PTPN3: variants seen among roughly 807,000 people sequenced by gnomAD.
PTPN3 encodes tyrosine-protein phosphatase non-receptor type 3.
Under a neutral mutation model 132.7 loss-of-function variants are expected in PTPN3, and 96 were observed. The ratio of observed to expected loss-of-function variants is 0.72; its 90% CI spans 0.61 to 0.86. The LOEUF (loss-of-function observed/expected upper bound fraction) is 0.86. PTPN3 is among the 40% of genes least tolerant of loss of function. The pLI, the probability that PTPN3 is intolerant of heterozygous loss-of-function variation, is 0.00. For missense variants in PTPN3, 1,125 were observed against 1,159.6 expected (o/e 0.97, Z 0.43); for synonymous variants, 398 against 429.0 (o/e 0.93, Z 0.89).
intron 1 of PTPN3, among the ~76,000 whole-genome samples, chr9:109,476,746 A>G (rs192308154): frequency 1.2e-3 from 190 of 152,342 alleles, no homozygotes; most frequent in African/African-American, 4.0e-3. Context: ...TCCCCTGTGA[A>G]TAACTATAGG....
chr9:109,434,772 G>A lies in PTPN3; in HGVS notation c.676-1611C>T, dbSNP rs574269496. ...AACCCACCTCGAAGCGTTTTTATCT[G>A]GCTGAAATGAGAGATGAAAACCTAG... On this transcript the variant is annotated intron_variant, in intron 9 of 25. Coordinates refer to ENST00000374541, the MANE Select transcript of PTPN3 (RefSeq NM_002829.4). Among the ~76,000 whole-genome samples, 13 of 152,250 alleles carry A rather than the reference G, an allele frequency of 8.5e-5. No individual in the cohort carries two copies. In the South Asian group the frequency reaches 1.7e-3, roughly 19 times the overall value.
chr9:109,506,139 C>T, the PTPN3 span, among the ~76,000 whole-genome samples: 2 of 152,206 alleles, frequency 1.3e-5, no homozygotes, highest in African/African-American at 2.4e-5. Context: ...GCCCCAACCA[C>T]ATATACGGAC....
Position 109,420,572 on chromosome 9 carries a change from G to A in PTPN3, c.1165C>T (p.Arg389Ter), listed in dbSNP as rs752731768. Residue 389 changes from arginine (R) to a stop codon, truncating the protein, a stop_gained, in exon 14 of 26, where the codon CGA becomes TGA. Coordinates refer to ENST00000374541, the MANE Select transcript of PTPN3 (RefSeq NM_002829.4). LOFTEE classifies it high-confidence loss of function. ...WRSPRLRHEI[R>*]KPRHSSADNL... ...TCTGCAGAAGAGTGGCGTGGCTTTCGGATTTCGTGCCGGAGCCGAGGACTT... is the reference window on the plus strand; with the variant it reads ...TCTGCAGAAGAGTGGCGTGGCTTTCAGATTTCGTGCCGGAGCCGAGGACTT... The A allele has an allele frequency of 2.5e-6, 4 of 1,611,400 alleles. No homozygotes were observed. Among genetic ancestry groups the A allele is most frequent in the Non-Finnish European group, 2.5e-6 (3 of 1,178,964 alleles).
intron 14 of PTPN3, among the ~76,000 whole-genome samples, chr9:109,419,636 T>A (rs916090237): frequency 1.3e-5 from 2 of 152,014 alleles, no homozygotes; most frequent in Non-Finnish European, 2.9e-5. Flanking sequence ...AAAAGACCCA[T>A]ATAACAAAGG....
intron 2 of PTPN3, among the ~76,000 whole-genome samples, chr9:109,463,024 T>C (rs1348108504): frequency 6.6e-6 from 1 of 150,694 alleles, no homozygotes; most frequent in Non-Finnish European, 1.5e-5. Flanking sequence ...ACCAGTCTCC[T>C]TCAGAAAGTG....
At chr9:109,436,192 C>T (rs921397972) in intron 9 of PTPN3, among the ~76,000 whole-genome samples, 3 of 152,276 alleles carry the variant, frequency 2.0e-5, no homozygotes, top group South Asian at 4.2e-4. Flanking sequence ...AGGTAGAAAA[C>T]GTATGCCACT....
At chr9:109,414,783 G>A (rs1200224097) in intron 14 of PTPN3, among the ~76,000 whole-genome samples, 1 of 151,948 alleles carries the variant, frequency 6.6e-6, no homozygotes, top group Admixed American at 6.5e-5. Flanking sequence ...TGAATTCTCT[G>A]AGGAGAATTT....
chr9:109,416,438 TG>T (rs1564415400), intron 14 of PTPN3, among the ~76,000 whole-genome samples: 16 of 141,888 alleles, frequency 1.1e-4, no homozygotes, highest in African/African-American at 3.6e-4. Flanking sequence ...TTTTGTTTTT[TG>T]TTTTTTTGTT....
chr9:109,430,703 A>C (rs1839684514), intron 10 of PTPN3, among the ~76,000 whole-genome samples: 1 of 152,318 alleles, frequency 6.6e-6, no homozygotes, highest in South Asian at 2.1e-4. Flanking sequence ...AAATCACTGT[A>C]ACTGTGAGCA....
At chr9:109,501,608 A>G (rs1847865310), upstream of PTPN3, among the ~76,000 whole-genome samples, 1 of 152,200 alleles carries the variant, frequency 6.6e-6, no homozygotes, top group Non-Finnish European at 1.5e-5. Context: ...AGTTGATCTT[A>G]TATCATAAGC....
chr9:109,422,809 C>A lies in PTPN3; in HGVS notation c.1045G>T (p.Val349Leu). Residue 349 changes from valine to leucine, a missense_variant, in exon 13 of 26, where the codon GTG becomes TTG. Val to Leu is a conservative substitution (Grantham distance 32, BLOSUM62 1). Coordinates refer to ENST00000374541, the MANE Select transcript of PTPN3 (RefSeq NM_002829.4). ...QYCKKVIGGMVWNPAMRRSLS... is the reference protein window; with the variant it reads ...QYCKKVIGGMLWNPAMRRSLS... ...GATCTCCGCATGGCTGGGTTCCACA[C>A]CATCCCGCCAATCACCTTTTTGCAA... is the stretch of plus-strand genomic sequence containing the variant. The A allele has an allele frequency of 6.2e-7, 1 of 1,612,946 alleles. No homozygotes were observed. The highest frequency in any genetic ancestry group is 8.5e-7 in the Non-Finnish European group (1 of 1,178,946).
chr9:109,449,222 C>T, intron 5 of PTPN3: 2 of 1,048,456 alleles, frequency 1.9e-6, no homozygotes, highest in Non-Finnish European at 2.3e-6. Flanking sequence ...AGGGGCTCTG[C>T]ACAAGCGGCG....
chr9:109,498,249 G>C lies in PTPN3; in HGVS notation c.-48C>G, dbSNP rs1847778010. ...GCATCCGGGGGCGCGGAGCGCCCAGGTAGGTCGCGCGTGCGGGCGGCGCGG... is the reference window on the plus strand; with the variant it reads ...GCATCCGGGGGCGCGGAGCGCCCAGCTAGGTCGCGCGTGCGGGCGGCGCGG... On this transcript the variant is annotated 5_prime_UTR_variant, in exon 1 of 26. Coordinates refer to ENST00000374541, the MANE Select transcript of PTPN3 (RefSeq NM_002829.4). This position sits in a 1 kb window ranked among gnomAD's most constrained non-coding sequence, Gnocchi z 4.2. 6.8e-6 allele frequency: 1 copy of C among 146,522 alleles called. No homozygotes were observed. The highest frequency in any genetic ancestry group is 1.5e-5 in the Non-Finnish European group (1 of 65,920). 9.1% of individuals were successfully genotyped at this position (146,522 alleles called of 1,614,324 possible).
At chr9:109,423,511 C>A (rs1843025785) in intron 12 of PTPN3, among the ~76,000 whole-genome samples, 1 of 152,144 alleles carries the variant, frequency 6.6e-6, no homozygotes, top group African/African-American at 2.4e-5. Context: ...GAGGCTGAGG[C>A]ATGAGAACCC....
At chr9:109,381,947 C>T (rs528500780) in intron 24 of PTPN3, among the ~76,000 whole-genome samples, 160 bp from the exon 25 acceptor site, 3 of 152,196 alleles carry the variant, frequency 2.0e-5, no homozygotes, top group African/African-American at 7.2e-5. Flanking sequence ...GCTGAGACAG[C>T]CTGTCCTCAC....
chr9:109,502,273 C>T (rs1026074231), upstream of PTPN3, among the ~76,000 whole-genome samples: 3 of 152,152 alleles, frequency 2.0e-5, no homozygotes, highest in African/African-American at 7.2e-5. Context: ...GATTGTCATT[C>T]GCATCAAGAC....
chr9:109,489,401 T>C (rs1193535778), intron 1 of PTPN3, among the ~76,000 whole-genome samples: 32 of 152,174 alleles, frequency 2.1e-4, no homozygotes, highest in Non-Finnish European at 4.1e-4. Context: ...TTTGTCTTTA[T>C]CCAGGTAGAA....
At chr9:109,420,661 T>TA in intron 13 of PTPN3, 61 bp from the exon 14 acceptor site, 1 of 1,510,630 alleles carries the variant, frequency 6.6e-7, no homozygotes, top group Non-Finnish European at 9.0e-7. Flanking sequence ...AAAATTTTAT[T>TA]AGACACCAGT....
At chr9:109,406,153 TAG>T (rs1472263155) in intron 18 of PTPN3, among the ~76,000 whole-genome samples, 2 of 152,050 alleles carry the variant, frequency 1.3e-5, no homozygotes, top group African/African-American at 4.8e-5. Flanking sequence ...TCATGCCACT[TAG>T]AGAGTGCGTG....
Sources: gnomAD v4.1 joint callset for allele counts (sites outside exome capture counted in the v4.1 genomes callset) on GRCh38, gnomAD v4.1.1 for gene constraint, Gnocchi (gnomAD v3.1) non-coding constraint, MANE v1.5 for transcripts, NCBI Gene and HGNC (gene_info 2026-07-23, HGNC 2026-07-21) for gene names.